Variants in EFCAB5 observed in about 807,000 individuals in gnomAD.
The protein encoded by EFCAB5 is EF-hand calcium-binding domain-containing protein 5.
Under a neutral mutation model 167.9 loss-of-function variants are expected in EFCAB5, and 131 were observed. The ratio of observed to expected loss-of-function variants is 0.78; its 90% confidence interval spans 0.68 to 0.90. The LOEUF (loss-of-function observed/expected upper bound fraction) is 0.90. Ranked by LOEUF, EFCAB5 falls within the 40% of genes least tolerant of loss-of-function variation. The pLI is 0.00. For synonymous variants in EFCAB5, 574 were observed against 602.8 expected, an observed-to-expected ratio of 0.95 and a Z score of 0.70; for missense variants, 1,663 against 1,745.2, an observed-to-expected ratio of 0.95 and a Z score of 0.84.
intron 4 of EFCAB5, among the ~76,000 whole-genome samples, chr17:29,979,566 T>C (rs570214653): frequency 2.6e-5 from 4 of 152,332 alleles, no homozygotes; most frequent in African/African-American, 9.6e-5. Flanking sequence ...GCCAGCTTTC[T>C]CTGTCTAAAA....
At chr17:29,958,357 G>A (rs1297159614) in intron 3 of EFCAB5, among the ~76,000 whole-genome samples, 6 of 152,066 alleles carry the variant, frequency 3.9e-5, no homozygotes, top group African/African-American at 1.4e-4. Context: ...TCCTCTGACT[G>A]TGTATTTTCA....
At chr17:29,955,304 G>A (rs1387952645) in intron 3 of EFCAB5, among the ~76,000 whole-genome samples, 1 of 152,262 alleles carries the variant, frequency 6.6e-6, no homozygotes, top group East Asian at 1.9e-4. Context: ...ATTCCCACGT[G>A]TCATGGGAGG....
intron 6 of EFCAB5, among the ~76,000 whole-genome samples, chr17:29,997,138 G>A (rs1040450596): frequency 6.6e-6 from 1 of 151,808 alleles, no homozygotes; most frequent in African/African-American, 2.4e-5. Flanking sequence ...TCAGTTACTT[G>A]GGAGGCTGAG....
intron 3 of EFCAB5, among the ~76,000 whole-genome samples, chr17:29,967,396 G>GGAA (rs1290111360): frequency 6.6e-6 from 1 of 152,110 alleles, no homozygotes; most frequent in Non-Finnish European, 1.5e-5. Flanking sequence ...TCAGTGCAGG[G>GGAA]GAAAACCCTT....
intron 19 of EFCAB5, among the ~76,000 whole-genome samples, 163 bp downstream of exon 19, chr17:30,087,329 G>A (rs2071109884): frequency 6.6e-6 from 1 of 152,142 alleles, no homozygotes. Context: ...ACATGTGCAG[G>A]ACGTGCAGGT....
At chr17:30,094,504 C>A (rs2071257210) in intron 22 of EFCAB5, among the ~76,000 whole-genome samples, 2 of 108,080 alleles carry the variant, frequency 1.9e-5, no homozygotes, top group South Asian at 3.1e-4. Context: ...AATCTTGTCT[C>A]TCCAAAAAAA....
chr17:30,050,376 C>A (rs1269863851), intron 8 of EFCAB5, among the ~76,000 whole-genome samples: 1 of 152,120 alleles, frequency 6.6e-6, no homozygotes, highest in Non-Finnish European at 1.5e-5. Context: ...CTTAGGTGAT[C>A]CACCCACCTC....
chr17:29,983,833 C>A (rs1309450888), intron 4 of EFCAB5, among the ~76,000 whole-genome samples: 1 of 152,044 alleles, frequency 6.6e-6, no homozygotes, highest in East Asian at 1.9e-4. Context: ...GATTTTGTTT[C>A]TAGATATGGA....
At chr17:29,983,283 G>A (rs986596157) in intron 4 of EFCAB5, among the ~76,000 whole-genome samples, 6 of 152,346 alleles carry the variant, frequency 3.9e-5, no homozygotes, top group Admixed American at 3.3e-4. Flanking sequence ...TCCAGCAGGC[G>A]AGCCCATGCT....
At chr17:30,093,839 C>G (rs1597567860) in intron 22 of EFCAB5, among the ~76,000 whole-genome samples, 1 of 152,318 alleles carries the variant, frequency 6.6e-6, no homozygotes, top group Middle Eastern at 3.4e-3. Context: ...ACCCAGATAC[C>G]AACCCTCTCT....
At chr17:30,083,064 G>A (rs1325966772) in intron 18 of EFCAB5, 21 bp downstream of exon 18, 13 of 1,609,828 alleles carry the variant, frequency 8.1e-6, no homozygotes, top group African/African-American at 1.3e-5. Context: ...CTCAGTAGTG[G>A]TAGATCTCTC....
intron 4 of EFCAB5, among the ~76,000 whole-genome samples, chr17:29,986,274 C>A (rs116067880): frequency 1.3e-5 from 2 of 152,156 alleles, no homozygotes; most frequent in African/African-American, 4.8e-5. Flanking sequence ...TTCCACAAGT[C>A]CTTATGTTTA....
At chr17:29,942,448 A>G in intron 2 of EFCAB5, 146 bp downstream of exon 2, 1 of 679,152 alleles carries the variant, frequency 1.5e-6, no homozygotes. Context: ...TTGATTATTA[A>G]GCTGATTCAT....
intron 8 of EFCAB5, among the ~76,000 whole-genome samples, chr17:30,041,586 A>C (rs2069776361): frequency 6.6e-6 from 1 of 152,226 alleles, no homozygotes; most frequent in Non-Finnish European, 1.5e-5. Context: ...TTATTACATA[A>C]ACTTAGTTGA....
Position 29,941,800 on chromosome 17 carries a change from A to G in EFCAB5, c.4A>G (p.Asn2Asp). The change falls in exon 1 of 23, where the codon AAT becomes GAT. Residue 2 changes from asparagine (N) to aspartate (D), a missense_variant. Asn to Asp is a conservative substitution (Grantham distance 23). Coordinates refer to ENST00000394835, the MANE Select transcript of EFCAB5 (RefSeq NM_198529.4). Reference protein sequence around the residue: MNESASQEELRP... With the variant: MDESASQEELRP... ...GGTGATAACTTTTGGAGTCCAAATG[A>G]ATGAGTCAGCATCTCAAGAGGAACT... The G allele has an allele frequency of 6.2e-7, 1 of 1,605,336 alleles. No homozygotes were observed. The highest frequency in any genetic ancestry group is 8.5e-7 in the Non-Finnish European group (1 of 1,175,218).
At chr17:30,051,259 G>GCAGTACATAT in intron 9 of EFCAB5, 42 bp downstream of exon 9, 1 of 1,532,486 alleles carries the variant, frequency 6.5e-7, no homozygotes, top group Non-Finnish European at 9.0e-7. Context: ...CTGGAGTGTC[G>GCAGTACATAT]CAGTGCACTG....
chr17:30,051,912 A>G (rs2070109467), intron 9 of EFCAB5, among the ~76,000 whole-genome samples: 2 of 152,202 alleles, frequency 1.3e-5, no homozygotes, highest in Admixed American at 1.3e-4. Flanking sequence ...CTTATACAGT[A>G]AAATATCCTT....
intron 18 of EFCAB5, among the ~76,000 whole-genome samples, chr17:30,084,337 G>C (rs961406772): frequency 2.6e-5 from 4 of 152,128 alleles, no homozygotes; most frequent in Admixed American, 1.3e-4. Context: ...AAGCACATGG[G>C]GCCCCAGGGA....
intron 22 of EFCAB5, among the ~76,000 whole-genome samples, chr17:30,104,830 C>G (rs1481441427): frequency 6.6e-6 from 1 of 152,136 alleles, no homozygotes; most frequent in East Asian, 1.9e-4. Flanking sequence ...GCTTCTGTCT[C>G]GGTAACAATA....
Sources: allele counts gnomAD v4.1 joint callset (sites outside exome capture counted in the v4.1 genomes callset), GRCh38; gene constraint gnomAD v4.1.1; transcripts MANE v1.5; gene names NCBI Gene and HGNC (gene_info 2026-07-23, HGNC 2026-07-21).